The following ZFYVE9 variants were observed in gnomAD, a reference collection of about 807,000 sequenced individuals.
ZFYVE9 encodes zinc finger FYVE domain-containing protein 9.
In ZFYVE9, 43 loss-of-function variants were observed where a neutral mutation model predicts 126.7. The ratio of observed to expected loss-of-function variants is 0.34; its 90% CI spans 0.27 to 0.44. ZFYVE9 has a LOEUF of 0.44. Among genes scored for constraint, ZFYVE9 ranks in the 20% least tolerant of loss-of-function variants. The pLI, the probability that ZFYVE9 is intolerant of heterozygous loss-of-function variation, is 1.00. For missense variants in ZFYVE9, 1,476 were observed against 1,697.0 expected, an observed-to-expected ratio of 0.87 and a Z score of 2.29; for synonymous variants, 521 against 597.4, an observed-to-expected ratio of 0.87 and a Z score of 1.87.
At chr1:52,257,487 T>G (rs1333441670) in intron 4 of ZFYVE9, among the ~76,000 whole-genome samples, 1 of 152,170 alleles carries the variant, frequency 6.6e-6, no homozygotes, top group African/African-American at 2.4e-5. Context: ...GTATAGAATA[T>G]ATATTATAAA....
chr1:52,172,113 C>G (rs978115348), intron 1 of ZFYVE9, among the ~76,000 whole-genome samples: 4 of 152,054 alleles, frequency 2.6e-5, no homozygotes, highest in African/African-American at 7.2e-5. Context: ...AGGTTTTCTT[C>G]TAGGGTTTTT....
intron 4 of ZFYVE9, among the ~76,000 whole-genome samples, chr1:52,243,062 A>C (rs755040162): frequency 6.6e-6 from 1 of 152,258 alleles, no homozygotes; most frequent in Non-Finnish European, 1.5e-5. Context: ...TCCAGCATCC[A>C]GCACAAATAC....
intron 2 of ZFYVE9, among the ~76,000 whole-genome samples, chr1:52,228,867 G>A (rs1242009811): frequency 6.6e-6 from 1 of 150,596 alleles, no homozygotes; most frequent in Non-Finnish European, 1.5e-5. Flanking sequence ...TATTTTGTCT[G>A]TTCTAGTTGA....
chr1:52,160,635 T>C, intron 1 of ZFYVE9: 1 of 656,274 alleles, frequency 1.5e-6, no homozygotes, highest in Non-Finnish European at 2.8e-6. Context: ...AGGATGGTGT[T>C]GATCTCCTGA....
chr1:52,189,008 G>A (rs1572087017), intron 1 of ZFYVE9, among the ~76,000 whole-genome samples: 1 of 152,076 alleles, frequency 6.6e-6, no homozygotes, highest in East Asian at 1.9e-4. Flanking sequence ...CATGATCTCG[G>A]CTCACTGCAA....
intron 1 of ZFYVE9, among the ~76,000 whole-genome samples, chr1:52,196,465 G>A (rs1231509126): frequency 3.9e-5 from 6 of 152,014 alleles, no homozygotes; most frequent in South Asian, 2.1e-4. Context: ...GTGAAACTCC[G>A]TCTCTACTAA....
At chr1:52,171,951 G>T (rs1644575640) in intron 1 of ZFYVE9, among the ~76,000 whole-genome samples, 2 of 152,056 alleles carry the variant, frequency 1.3e-5, no homozygotes, top group African/African-American at 4.8e-5. Flanking sequence ...TTTGTAGGTT[G>T]CCTGTTCACT....
At chr1:52,171,916 G>A (rs1283971415) in intron 1 of ZFYVE9, among the ~76,000 whole-genome samples, 8 of 152,158 alleles carry the variant, frequency 5.3e-5, no homozygotes, top group African/African-American at 1.9e-4. Context: ...TGTCAGATGA[G>A]TAGGTTGCGA....
In ZFYVE9 at chr1:52,216,971, G is replaced by T. The variant is rs190739572; in HGVS notation, c.-37+497G>T. Among the ~76,000 whole-genome samples, 140 of 151,644 alleles carry T rather than the reference G, an allele frequency of 9.2e-4. 1 individual carries two copies. Among genetic ancestry groups the T allele is most frequent in the South Asian group, 4.2e-3 (20 of 4,792 alleles). On this transcript the variant is annotated intron_variant, in intron 2 of 18. Coordinates refer to ENST00000287727, the MANE Select transcript of ZFYVE9 (RefSeq NM_004799.4). Reference sequence around the variant, plus strand: ...CTTTTTCCTAACTAGGAGTCATGTTGTTTTTTTTCAAGTCTTAAGATTATT... The same window carrying T: ...CTTTTTCCTAACTAGGAGTCATGTTTTTTTTTTTCAAGTCTTAAGATTATT...
chr1:52,281,568 T>C, intron 9 of ZFYVE9, 93 bp from the exon 10 acceptor site: 4 of 1,389,972 alleles, frequency 2.9e-6, no homozygotes, highest in Non-Finnish European at 4.0e-6. Flanking sequence ...TTTTAATCTT[T>C]GCTGTATTGT....
chr1:52,323,886 T>C (rs1646264857), intron 13 of ZFYVE9, among the ~76,000 whole-genome samples: 1 of 108,480 alleles, frequency 9.2e-6, no homozygotes, highest in Admixed American at 1.2e-4. Context: ...ACCCCGTCTC[T>C]ACTAAATACA....
intron 3 of ZFYVE9, 132 bp downstream of exon 3, chr1:52,233,408 C>A: frequency 2.1e-6 from 1 of 478,150 alleles, no homozygotes; most frequent in Non-Finnish European, 3.4e-6. Context: ...TAATAATATA[C>A]AGGGGAAGAA....
At chr1:52,276,778 T>C (rs1645752225) in intron 8 of ZFYVE9, among the ~76,000 whole-genome samples, 1 of 152,240 alleles carries the variant, frequency 6.6e-6, no homozygotes, top group African/African-American at 2.4e-5. Flanking sequence ...TCTGTTCTAA[T>C]AGTGGTTCCT....
chr1:52,260,588 G>A (rs928878456), intron 4 of ZFYVE9, among the ~76,000 whole-genome samples: 4 of 151,926 alleles, frequency 2.6e-5, no homozygotes, highest in African/African-American at 4.8e-5. Context: ...AGGCTGAGCC[G>A]GGCAGATCAC....
At chr1:52,293,052 A>T (rs1292968505) in intron 10 of ZFYVE9, among the ~76,000 whole-genome samples, 1 of 152,124 alleles carries the variant, frequency 6.6e-6, no homozygotes, top group Non-Finnish European at 1.5e-5. Context: ...GGTAGTGTCC[A>T]TCCAGCCCAG....
chr1:52,314,893 G>A (rs906864197), intron 13 of ZFYVE9, among the ~76,000 whole-genome samples: 3 of 152,058 alleles, frequency 2.0e-5, no homozygotes, highest in Non-Finnish European at 4.4e-5. Context: ...CGAGGCACGA[G>A]AATTGCTTGA....
At chr1:52,296,057 G>A (rs919349305) in intron 12 of ZFYVE9, 80 bp downstream of exon 12, 4 of 1,324,152 alleles carry the variant, frequency 3.0e-6, no homozygotes, top group Middle Eastern at 1.9e-4. Flanking sequence ...TTATTTTCTT[G>A]GTAGCTGTGC....
chr1:52,274,637 T>C, intron 8 of ZFYVE9, 53 bp downstream of exon 8: 1 of 1,508,124 alleles, frequency 6.6e-7, no homozygotes, highest in Non-Finnish European at 9.0e-7. Context: ...AAATGTTACC[T>C]TCTAATTAAG....
At chr1:52,335,257 TC>T (rs1200148426) in intron 15 of ZFYVE9, 6 of 154,112 alleles carry the variant, frequency 3.9e-5, no homozygotes, top group African/African-American at 1.4e-4. Flanking sequence ...ATTTTGCTAC[TC>T]TTATTTCATA....
Sources: allele counts gnomAD v4.1 joint callset (sites outside exome capture counted in the v4.1 genomes callset), GRCh38; gene constraint gnomAD v4.1.1; transcripts MANE v1.5; gene names NCBI Gene and HGNC (gene_info 2026-07-23, HGNC 2026-07-21).